The following MYO1B variants were observed in gnomAD, a reference collection of about 807,000 sequenced individuals.
The protein encoded by MYO1B is myosin IB, also known as unconventional myosin-Ib.
Under a neutral mutation model 159.7 loss-of-function variants are expected in MYO1B, and 72 were observed. That is an observed-to-expected ratio of 0.45 (90% confidence interval 0.37 to 0.55). The LOEUF (loss-of-function observed/expected upper bound fraction) is 0.55. Ranked by LOEUF, MYO1B falls within the 20% of genes least tolerant of loss-of-function variation. The probability of loss-of-function intolerance (pLI) is 0.00; values close to 1 mark genes in which losing one functional copy is unlikely to be tolerated. For missense variants in MYO1B, 1,062 were observed against 1,364.8 expected (o/e 0.78, Z 3.50); for synonymous variants, 468 against 473.8 (o/e 0.99, Z 0.16).
intron 1 of MYO1B, among the ~76,000 whole-genome samples, chr2:191,266,234 G>A (rs1304600522): frequency 6.6e-6 from 1 of 152,188 alleles, no homozygotes; most frequent in Non-Finnish European, 1.5e-5. Flanking sequence ...GAGTAGGTAA[G>A]CTCTTCAGGG....
rs763196628 is a variant in MYO1B at position 191,402,663 on chromosome 2, A to C, written c.2501A>C (p.Glu834Ala). ...ARRELKRLKEEARRKHAVAVI... is the reference protein window; with the variant it reads ...ARRELKRLKEAARRKHAVAVI... Reference sequence around the variant, plus strand: ...AGGGAATTGAAACGCTTGAAGGAGGAGGCTAGGCGTAAGCATGCAGTTGCT... The same window carrying C: ...AGGGAATTGAAACGCTTGAAGGAGGCGGCTAGGCGTAAGCATGCAGTTGCT... The change falls in exon 24 of 31, where the codon GAG (glutamate) becomes GCG (alanine). Residue 834 changes from glutamate to alanine, a missense_variant. Glu to Ala is a moderately radical substitution (Grantham distance 107, BLOSUM62 -1). Transcript: ENST00000392318. The C allele has an allele frequency of 6.8e-6, 11 of 1,613,566 alleles. No individual in the cohort carries two copies. Among genetic ancestry groups the C allele is most frequent in the African/African-American group, 1.3e-5 (1 of 74,900 alleles).
intron 1 of MYO1B, among the ~76,000 whole-genome samples, chr2:191,249,053 A>G (rs1409520247): frequency 2.0e-5 from 3 of 152,230 alleles, no homozygotes. Flanking sequence ...ATTTAAAAAT[A>G]AGTTCTTTTT....
intron 2 of MYO1B, among the ~76,000 whole-genome samples, chr2:191,280,520 A>G (rs991201997): frequency 6.6e-6 from 1 of 152,196 alleles, no homozygotes; most frequent in Non-Finnish European, 1.5e-5. Context: ...AAGAAGAGGC[A>G]GTGCTGCTTC....
At chr2:191,276,090 G>T (rs1012653733) in intron 1 of MYO1B, among the ~76,000 whole-genome samples, 2 of 152,150 alleles carry the variant, frequency 1.3e-5, no homozygotes, top group African/African-American at 4.8e-5. Context: ...TGTTTACTGC[G>T]TGTTAATTTG....
At chr2:191,383,612 C>G (rs1265979016) in intron 15 of MYO1B, among the ~76,000 whole-genome samples, 1 of 150,390 alleles carries the variant, frequency 6.6e-6, no homozygotes, top group Non-Finnish European at 1.5e-5. Context: ...AGAGATCATA[C>G]ACAGTTCTTG....
intron 27 of MYO1B, among the ~76,000 whole-genome samples, chr2:191,411,934 C>A (rs770594756): frequency 3.9e-5 from 6 of 152,154 alleles, no homozygotes; most frequent in Non-Finnish European, 8.8e-5. Context: ...AAGCTTCTTC[C>A]AATGAATGGC....
Position 191,370,210 on chromosome 2 carries a change from T to G in MYO1B, c.1120-17T>G. ...TTTCATGCCTTAATTAACCCTTTAA[T>G]TTGAAACTTTTTAAAGGCACAAACA... is the stretch of plus-strand genomic sequence containing the variant. On this transcript the variant is annotated splice_polypyrimidine_tract_variant and intron_variant, in intron 12 of 30. Transcript: ENST00000392318. The G allele has an allele frequency of 4.4e-6, 7 of 1,602,736 alleles. No homozygotes were observed. The highest frequency in any genetic ancestry group is 6.0e-6 in the Non-Finnish European group (7 of 1,170,580).
At chr2:191,264,912 G>A (rs1050907733) in intron 1 of MYO1B, among the ~76,000 whole-genome samples, 2 of 152,010 alleles carry the variant, frequency 1.3e-5, no homozygotes, top group African/African-American at 2.4e-5. Context: ...TGTGTTATAC[G>A]CTTTGTGAGG....
chr2:191,381,301 T>G, intron 13 of MYO1B, 161 bp from the exon 14 acceptor site: 1 of 698,396 alleles, frequency 1.4e-6, no homozygotes, highest in East Asian at 2.7e-5. Flanking sequence ...CTCGAGTGCC[T>G]GCAATGGGCA....
intron 4 of MYO1B, among the ~76,000 whole-genome samples, chr2:191,337,743 G>A (rs866898977): frequency 3.3e-5 from 5 of 152,074 alleles, no homozygotes; most frequent in Non-Finnish European, 5.9e-5. Flanking sequence ...GTTACATTTT[G>A]TCTATTTTAA....
intron 1 of MYO1B, among the ~76,000 whole-genome samples, chr2:191,246,723 T>C (rs1685815254): frequency 1.3e-5 from 2 of 152,146 alleles, no homozygotes; most frequent in African/African-American, 4.8e-5. Flanking sequence ...TAGTATAATA[T>C]AGTACAACAG....
intron 8 of MYO1B, among the ~76,000 whole-genome samples, chr2:191,361,878 TTTA>T (rs1257444616): frequency 6.6e-6 from 1 of 152,118 alleles, no homozygotes; most frequent in African/African-American, 2.4e-5. Context: ...CTGCTCTATA[TTTA>T]TTATTATAAA....
intron 3 of MYO1B, among the ~76,000 whole-genome samples, chr2:191,310,659 T>C (rs1305474747): frequency 2.0e-5 from 3 of 152,216 alleles, no homozygotes; most frequent in Non-Finnish European, 2.9e-5. Flanking sequence ...AATAAAACAT[T>C]CCAATACCAA....
At chr2:191,375,359 T>A (rs889741094) in intron 13 of MYO1B, among the ~76,000 whole-genome samples, 3 of 152,238 alleles carry the variant, frequency 2.0e-5, no homozygotes, top group African/African-American at 7.2e-5. Context: ...TCTACTCTAG[T>A]TTCTTGCCTT....
chr2:191,329,297 A>G (rs1277518955), intron 3 of MYO1B, among the ~76,000 whole-genome samples: 6 of 152,108 alleles, frequency 3.9e-5, no homozygotes, highest in East Asian at 3.9e-4. Flanking sequence ...GGCAAACCCA[A>G]TTTTGCCTCT....
At chr2:191,370,681 T>C (rs2126039343) in intron 13 of MYO1B, among the ~76,000 whole-genome samples, 1 of 152,332 alleles carries the variant, frequency 6.6e-6, no homozygotes, top group East Asian at 1.9e-4. Flanking sequence ...TGTGTGTTGT[T>C]AGAAAGTGTG....
At chr2:191,345,725 C>A (rs933620612) in intron 5 of MYO1B, among the ~76,000 whole-genome samples, 2 of 152,158 alleles carry the variant, frequency 1.3e-5, no homozygotes, top group African/African-American at 4.8e-5. Context: ...CTTATTCTTC[C>A]TGTATTCCAG....
At chr2:191,268,805 G>A (rs1338948592) in intron 1 of MYO1B, among the ~76,000 whole-genome samples, 1 of 152,112 alleles carries the variant, frequency 6.6e-6, no homozygotes, top group Middle Eastern at 3.2e-3. Context: ...GTGTCCTGCT[G>A]GCAGATCTTT....
At chr2:191,397,385 G>A (rs1376255224) in intron 21 of MYO1B, among the ~76,000 whole-genome samples, 3 of 147,224 alleles carry the variant, frequency 2.0e-5, no homozygotes, top group African/African-American at 5.0e-5. Context: ...TTAGGGAGTG[G>A]TGATGACTCT....
Sources: gnomAD v4.1 joint callset for allele counts (sites outside exome capture counted in the v4.1 genomes callset) on GRCh38, gnomAD v4.1.1 for gene constraint, MANE v1.5 for transcripts, NCBI Gene and HGNC (gene_info 2026-07-23, HGNC 2026-07-21) for gene names.